The following MYOM2 variants were observed in gnomAD, a reference collection of about 807,000 sequenced individuals.
MYOM2 encodes the protein myomesin 2.
MYOM2 carries 254 observed loss-of-function variants against 187.6 expected under a neutral mutation model. The observed-to-expected ratio is 1.35, with a 90% CI of 1.22 to 1.50. The LOEUF is 1.50. Among genes scored for constraint, MYOM2 ranks in the 40% most tolerant of loss-of-function variants. The pLI, the probability that MYOM2 is intolerant of heterozygous loss-of-function variation, is 0.00. For synonymous variants in MYOM2, 981 were observed against 753.8 expected, an observed-to-expected ratio of 1.30 and a Z score of -4.94; for missense variants, 2,796 against 1,924.0, an observed-to-expected ratio of 1.45 and a Z score of -8.48.
chr8:2,114,465 C>G (rs1235235747), intron 25 of MYOM2, among the ~76,000 whole-genome samples: 1 of 148,554 alleles, frequency 6.7e-6, no homozygotes, highest in Non-Finnish European at 1.5e-5. Context: ...TTATATATGA[C>G]AAAATTTCTT....
intron 8 of MYOM2, among the ~76,000 whole-genome samples, chr8:2,071,406 C>G (rs1264786704): frequency 2.0e-5 from 3 of 152,142 alleles, no homozygotes; most frequent in Non-Finnish European, 4.4e-5. Context: ...GTACTTCTCC[C>G]CCTACCACAC....
intron 30 of MYOM2, 102 bp downstream of exon 30, chr8:2,123,744 C>A (rs1053137662): frequency 2.1e-6 from 2 of 963,208 alleles, no homozygotes; most frequent in South Asian, 1.5e-5. Flanking sequence ...AGCTATAGCA[C>A]ACATTGTGTC....
In MYOM2 at chr8:2,096,424, C is replaced by A. The variant is rs748004206; in HGVS notation, c.2303C>A (p.Thr768Lys). 9 of 1,614,038 alleles carry A rather than the reference C, an allele frequency of 5.6e-6. No individual in the cohort carries two copies. The highest frequency in any genetic ancestry group is 7.6e-6 in the Non-Finnish European group (9 of 1,180,020). ...GTCAATTCCTCACCCAGCAAACCGACAATCCTAACGGTCAGTTGGTTTTTA... is the reference window on the plus strand; with the variant it reads ...GTCAATTCCTCACCCAGCAAACCGAAAATCCTAACGGTCAGTTGGTTTTTA... ...HEVNSSPSKPTILTVDGLTEG... is the reference protein window; with the variant it reads ...HEVNSSPSKPKILTVDGLTEG... The change falls in exon 18 of 37, where the codon ACA becomes AAA. Residue 768 changes from threonine to lysine, a missense_variant. Thr to Lys is a moderately conservative substitution (Grantham distance 78). Transcript: ENST00000262113.
At chr8:2,119,881 G>C (rs930223909) in intron 28 of MYOM2, among the ~76,000 whole-genome samples, 5 of 152,110 alleles carry the variant, frequency 3.3e-5, no homozygotes, top group Admixed American at 2.6e-4. Flanking sequence ...CAATGAGGGG[G>C]CGGGGGGGAT....
At chr8:2,080,372 G>A (rs558238949) in intron 13 of MYOM2, among the ~76,000 whole-genome samples, 1 of 152,306 alleles carries the variant, frequency 6.6e-6, no homozygotes, top group African/African-American at 2.4e-5. Context: ...TGAAGCAGAT[G>A]GATCCCCAAC....
intron 3 of MYOM2, among the ~76,000 whole-genome samples, 170 bp from the exon 4 acceptor site, chr8:2,057,178 T>A (rs898079248): frequency 6.6e-6 from 1 of 152,244 alleles, no homozygotes; most frequent in African/African-American, 2.4e-5. Context: ...CACCAAAATA[T>A]ACTCTTGAAG....
chr8:2,121,450 G>C (rs1797453511), intron 28 of MYOM2, among the ~76,000 whole-genome samples: 1 of 152,158 alleles, frequency 6.6e-6, no homozygotes, highest in Admixed American at 6.5e-5. Context: ...CCTGACTAAA[G>C]TGATTCATAA....
chr8:2,116,359 A>G, intron 27 of MYOM2, 84 bp downstream of exon 27: 1 of 1,366,160 alleles, frequency 7.3e-7, no homozygotes, highest in Non-Finnish European at 1.0e-6. Context: ...CAGATCTTGC[A>G]TGATCCCAAG....
At chr8:2,100,184 CCT>C (rs1796657696) in intron 19 of MYOM2, among the ~76,000 whole-genome samples, 2 of 149,754 alleles carry the variant, frequency 1.3e-5, no homozygotes, top group South Asian at 2.1e-4. Context: ...TTCCTTCCTT[CCT>C]TCCCTCCCTG....
chr8:2,080,551 GCAGAAGGACCTAGAACT>G (rs1367885951), intron 13 of MYOM2, among the ~76,000 whole-genome samples: 3 of 152,208 alleles, frequency 2.0e-5, no homozygotes, highest in Non-Finnish European at 4.4e-5. Context: ...TCCTCTGGCT[GCAGAAGGACCTAGAACT>G]CAGGAAGGAC....
At chr8:2,055,945 C>CA (rs1818650248) in intron 3 of MYOM2, among the ~76,000 whole-genome samples, 1 of 152,116 alleles carries the variant, frequency 6.6e-6, no homozygotes, top group Non-Finnish European at 1.5e-5. Flanking sequence ...CGCTCCGGCT[C>CA]GGCCACCTTT....
At position 2,143,417 on chromosome 8, in the gene MYOM2, C is replaced by T. The variant is rs2280908; in HGVS notation, c.4041C>T (p.Ile1347=). Residue 1347 remains isoleucine (I), a synonymous_variant, in exon 36 of 37, where the codon ATC becomes ATT. Transcript: ENST00000262113. ...AFAEKNRGRL[I]GGLPDVVTIM... is the part of the protein sequence containing the mutation. ...CCGTTGCAGATCGTGGCAGGTTGAT[C>T]GGCGGCTTGCCTGACGTGGTGACCA... 2.7e-3 allele frequency: 4,342 copies of T among 1,614,106 alleles called. 62 individuals are homozygous for T. The East Asian group carries it at 0.037, about 14-fold the overall frequency.
chr8:2,051,229 C>A (rs957997522), intron 2 of MYOM2, among the ~76,000 whole-genome samples: 1 of 152,114 alleles, frequency 6.6e-6, no homozygotes, highest in Non-Finnish European at 1.5e-5. Flanking sequence ...GAAAGGCTGT[C>A]GGTAGGAGAG....
chr8:2,106,447 C>G, intron 22 of MYOM2, 44 bp from the exon 23 acceptor site: 1 of 1,609,906 alleles, frequency 6.2e-7, no homozygotes, highest in Non-Finnish European at 8.5e-7. Flanking sequence ...GAAGTTCCTG[C>G]AAACAGAAAT....
At chr8:2,110,733 G>C (rs1377467113) in intron 25 of MYOM2, among the ~76,000 whole-genome samples, 2 of 152,166 alleles carry the variant, frequency 1.3e-5, no homozygotes, top group Non-Finnish European at 2.9e-5. Context: ...CATGCTCCCG[G>C]GCAGCCCCCC....
At chr8:2,110,256 C>T (rs983392211) in intron 25 of MYOM2, among the ~76,000 whole-genome samples, 1 of 152,102 alleles carries the variant, frequency 6.6e-6, no homozygotes, top group South Asian at 2.1e-4. Context: ...CTGAGAGGTC[C>T]GAGCTGCAGT....
chr8:2,130,283 C>T (rs1250662950), intron 32 of MYOM2, among the ~76,000 whole-genome samples: 3 of 143,244 alleles, frequency 2.1e-5, no homozygotes, highest in African/African-American at 5.6e-5. Context: ...ACCCTATACC[C>T]AGGGCGCCCA....
intron 3 of MYOM2, among the ~76,000 whole-genome samples, chr8:2,053,757 A>G (rs1818567592): frequency 6.6e-6 from 1 of 152,230 alleles, no homozygotes; most frequent in South Asian, 2.1e-4. Context: ...TAGACGTAGT[A>G]GAGACGGGGG....
intron 24 of MYOM2, 65 bp downstream of exon 24, chr8:2,108,895 T>G: frequency 6.7e-7 from 1 of 1,499,504 alleles, no homozygotes. Context: ...TGTTCATTAA[T>G]GCATGAGCTC....
Sources: gnomAD v4.1 joint callset for allele counts (sites outside exome capture counted in the v4.1 genomes callset) on GRCh38, gnomAD v4.1.1 for gene constraint, MANE v1.5 for transcripts, NCBI Gene and HGNC (gene_info 2026-07-23, HGNC 2026-07-21) for gene names.